The following XXYLT1 variants were observed in gnomAD, a reference collection of about 807,000 sequenced individuals.
XXYLT1 encodes the protein xyloside xylosyltransferase 1, also known as UDP-xylose:alpha-xyloside alpha-1,3-xylosyltransferase.
In XXYLT1, 20 loss-of-function variants were observed where a neutral mutation model predicts 28.9. The observed-to-expected ratio is 0.69, with a 90% CI of 0.49 to 1.00. The LOEUF is 1.00. XXYLT1 is among the 50% of genes least tolerant of loss of function. The pLI, the probability that XXYLT1 is intolerant of heterozygous loss-of-function variation, is 0.00. For synonymous variants in XXYLT1, 257 were observed against 253.8 expected (o/e 1.01, Z -0.12); for missense variants, 542 against 560.1 (o/e 0.97, Z 0.33).
chr3:195,101,969 GGGGGAGGGAGGGATGCGGGGAGGGAGGAC>G (rs1716806975), intron 3 of XXYLT1, among the ~76,000 whole-genome samples: 3 of 13,828 alleles, frequency 2.2e-4, no homozygotes, highest in African/African-American at 1.1e-3. Context: ...GGGAGGGGAC[GGGGGAGGGAGGGATGCGGGGAGGGAGGAC>G]AGAAAGAAAG....
intron 1 of XXYLT1, among the ~76,000 whole-genome samples, chr3:195,261,458 G>T (rs975324294): frequency 6.6e-6 from 1 of 151,690 alleles, no homozygotes; most frequent in African/African-American, 2.4e-5. Flanking sequence ...AAAGAAAAAG[G>T]AAATTAAAGA....
chr3:195,250,879 G>A (rs1193891591), intron 1 of XXYLT1, among the ~76,000 whole-genome samples: 1 of 148,208 alleles, frequency 6.7e-6, no homozygotes, highest in African/African-American at 2.4e-5. Context: ...CTGGCACATA[G>A]TAGATGCCCA....
chr3:195,109,123 A>G (rs1176312384), intron 3 of XXYLT1, among the ~76,000 whole-genome samples: 2 of 152,194 alleles, frequency 1.3e-5, no homozygotes, highest in Admixed American at 6.5e-5. Context: ...ACTACCCCCA[A>G]AATTCATGCT....
intron 2 of XXYLT1, among the ~76,000 whole-genome samples, chr3:195,170,023 G>A (rs1395794177): frequency 6.6e-6 from 1 of 151,608 alleles, no homozygotes; most frequent in Non-Finnish European, 1.5e-5. Flanking sequence ...GGCTAATTTT[G>A]TATTTTTAGT....
chr3:195,223,042 G>A (rs1261489593), intron 2 of XXYLT1, among the ~76,000 whole-genome samples: 1 of 151,656 alleles, frequency 6.6e-6, no homozygotes, highest in Non-Finnish European at 1.5e-5. Context: ...TGGCCAATAT[G>A]GTGAAACCCC....
intron 2 of XXYLT1, among the ~76,000 whole-genome samples, chr3:195,205,251 A>T (rs578194952): frequency 6.6e-6 from 1 of 152,272 alleles, no homozygotes; most frequent in African/African-American, 2.4e-5. Context: ...TACTAGCCGC[A>T]AACTGGGGAC....
intron 3 of XXYLT1, among the ~76,000 whole-genome samples, chr3:195,113,705 G>A (rs1460844671): frequency 1.3e-5 from 2 of 152,028 alleles, no homozygotes; most frequent in African/African-American, 2.4e-5. Flanking sequence ...TGGGAATGCC[G>A]AGCTTGGCTG....
At chr3:195,120,200 C>A (rs1432874195) in intron 3 of XXYLT1, among the ~76,000 whole-genome samples, 3 of 152,176 alleles carry the variant, frequency 2.0e-5, no homozygotes, top group Non-Finnish European at 2.9e-5. Flanking sequence ...AAAGGCCTCA[C>A]CCCCACCCAC....
chr3:195,132,676 G>A (rs1038959208), intron 3 of XXYLT1, among the ~76,000 whole-genome samples: 7 of 152,184 alleles, frequency 4.6e-5, no homozygotes, highest in Non-Finnish European at 1.0e-4. Flanking sequence ...CACCTAATCA[G>A]AGCTGAAGAG....
intron 2 of XXYLT1, among the ~76,000 whole-genome samples, chr3:195,200,537 G>A (rs1722808427): frequency 6.6e-6 from 1 of 152,202 alleles, no homozygotes; most frequent in Non-Finnish European, 1.5e-5. Flanking sequence ...CATAGCACTT[G>A]CCTTTCATGA....
At chr3:195,174,481 G>A (rs1039183361) in intron 2 of XXYLT1, among the ~76,000 whole-genome samples, 1 of 151,922 alleles carries the variant, frequency 6.6e-6, no homozygotes. Flanking sequence ...TGAGACCACA[G>A]GTGCACACCA....
Position 195,156,533 on chromosome 3 carries a change from T to C in XXYLT1, c.701A>G (p.Asn234Ser). 6.2e-7 allele frequency: 1 copy of C among 1,614,216 alleles called. No homozygotes were observed. The highest frequency in any genetic ancestry group is 8.5e-7 in the Non-Finnish European group (1 of 1,180,034). The change falls in exon 3 of 4, where the codon AAC becomes AGC. Residue 234 changes from asparagine (N) to serine (S), a missense_variant. Transcript: ENST00000310380. ...QLDLDLKFKT[N>S]IRELFEEFDS... ...AAATTCCTCAAACAACTCCCGGATG[T>C]TGGTCTTAAACTTCAGGTCTAGGTC...
intron 1 of XXYLT1, among the ~76,000 whole-genome samples, chr3:195,265,940 T>C (rs1402907671): frequency 6.6e-6 from 1 of 152,092 alleles, no homozygotes; most frequent in African/African-American, 2.4e-5. Context: ...AAGCCACCAT[T>C]ATTTGGGGGT....
intron 3 of XXYLT1, among the ~76,000 whole-genome samples, chr3:195,072,025 T>C (rs1384945330): frequency 1.3e-5 from 2 of 152,028 alleles, no homozygotes; most frequent in Non-Finnish European, 2.9e-5. Context: ...CTGTCCAGAG[T>C]ACCCAGGAGG....
At chr3:195,098,689 G>A (rs949799667) in intron 3 of XXYLT1, among the ~76,000 whole-genome samples, 6 of 152,230 alleles carry the variant, frequency 3.9e-5, no homozygotes, top group African/African-American at 9.6e-5. Context: ...TCCTCGCTGC[G>A]CTGGCCCCTG....
chr3:195,155,618 C>G (rs1234164969), intron 3 of XXYLT1, among the ~76,000 whole-genome samples: 1 of 151,790 alleles, frequency 6.6e-6, no homozygotes, highest in African/African-American at 2.4e-5. Context: ...AAGTGGGGAA[C>G]TGAGACCTTG....
At chr3:195,102,828 C>CA (rs888818968) in intron 3 of XXYLT1, among the ~76,000 whole-genome samples, 2 of 152,190 alleles carry the variant, frequency 1.3e-5, no homozygotes, top group Non-Finnish European at 2.9e-5. Context: ...GGTCAATGCC[C>CA]AGAAGAAGGA....
chr3:195,190,082 A>G (rs776785557), intron 2 of XXYLT1, among the ~76,000 whole-genome samples: 22 of 151,558 alleles, frequency 1.5e-4, no homozygotes, highest in Non-Finnish European at 2.4e-4. Flanking sequence ...AAGCAAAAAG[A>G]AAACATCAAC....
At chr3:195,081,821 T>C (rs558957370) in intron 3 of XXYLT1, among the ~76,000 whole-genome samples, 28 of 152,344 alleles carry the variant, frequency 1.8e-4, no homozygotes, top group African/African-American at 6.5e-4. Context: ...CAGCAGCCAG[T>C]GGGCCCTGCA....
Sources: gnomAD v4.1 joint callset for allele counts (sites outside exome capture counted in the v4.1 genomes callset) on GRCh38, gnomAD v4.1.1 for gene constraint, MANE v1.5 for transcripts, NCBI Gene and HGNC (gene_info 2026-07-23, HGNC 2026-07-21) for gene names.